Variants in PIEZO2 observed in about 807,000 individuals in gnomAD.
The protein encoded by PIEZO2 is piezo-type mechanosensitive ion channel component 2.
A neutral mutation model predicts 337.3 loss-of-function variants in PIEZO2; 172 were observed. That is an observed-to-expected ratio of 0.51 (90% CI 0.45 to 0.58). The LOEUF is 0.58. Ranked by LOEUF, PIEZO2 falls within the 20% of genes least tolerant of loss-of-function variation. PIEZO2 has a pLI of 0.00. For missense variants in PIEZO2, 3,028 were observed against 3,391.3 expected (o/e 0.89, Z 2.66); for synonymous variants, 1,251 against 1,228.5 (o/e 1.02, Z -0.38).
rs187219907 is a variant in PIEZO2, at chr18:11,089,572, C to T, written c.65-23350G>A. Among the ~76,000 whole-genome samples the T allele has an allele frequency of 7.1e-3, 1,085 of 152,310 alleles. 10 individuals are homozygous for T. Among genetic ancestry groups the T allele is most frequent in the Non-Finnish European group, 9.4e-3 (640 of 68,034 alleles). On this transcript the variant is annotated intron_variant, in intron 1 of 55. Transcript: ENST00000674853. Reference sequence around the variant, plus strand: ...ATTCCTCTTCCAAGGAATAAAACCTCCAACCGGCATTTCTGAACACTGTGT... The same window carrying T: ...ATTCCTCTTCCAAGGAATAAAACCTTCAACCGGCATTTCTGAACACTGTGT...
At position 11,027,676 on chromosome 18, in the gene PIEZO2, G is replaced by T. The variant is rs1312225677; in HGVS notation, c.160+38451C>A. On this transcript the variant is annotated intron_variant, in intron 2 of 55. Coordinates refer to ENST00000674853, the MANE Select transcript of PIEZO2 (RefSeq NM_001378183.1). This position sits in a 1 kb window ranked among gnomAD's most constrained non-coding sequence, Gnocchi z 4.2. ...GTTCGGTGGGGTTTAAGTTCCATTT[G>T]GGGTTGTCTTTCACAATTATGTTGT... 6.6e-6 allele frequency among the ~76,000 whole-genome samples: 1 copy of T among 152,074 alleles called. No individual in the cohort carries two copies. Among genetic ancestry groups the T allele is most frequent in the East Asian group, 1.9e-4 (1 of 5,182 alleles).
intron 2 of PIEZO2, among the ~76,000 whole-genome samples, chr18:10,994,553 G>A (rs1470677946): frequency 6.6e-6 from 1 of 151,546 alleles, no homozygotes; most frequent in Non-Finnish European, 1.5e-5. Context: ...GGGCTTACAG[G>A]TGCATGCCAC....
rs1440349865 is a variant in PIEZO2, at chr18:11,105,366, G to A, written c.65-39144C>T. ...GACTGTAAACCACACAACTAAACTC[G>A]ACAAGAATATGTTCCATTTGTAATA... On this transcript the variant is annotated intron_variant, in intron 1 of 55. Transcript: ENST00000674853. The surrounding 1 kb of genome is among the most constrained non-coding windows in gnomAD (Gnocchi z 4.3). Among the ~76,000 whole-genome samples, 3 of 152,068 alleles carry A rather than the reference G, an allele frequency of 2.0e-5. No individual in the cohort carries two copies. The highest frequency in any genetic ancestry group is 1.9e-4 in the East Asian group (1 of 5,186).
intron 5 of PIEZO2, among the ~76,000 whole-genome samples, chr18:10,864,244 A>G (rs1331705109): frequency 6.6e-6 from 1 of 152,018 alleles, no homozygotes; most frequent in African/African-American, 2.4e-5. Context: ...CCCTCCCTCC[A>G]CTCAGCACTT....
chr18:10,670,278 A>G lies in PIEZO2; in HGVS notation c.*1249T>C, dbSNP rs2033713867. 1 of 152,226 alleles carries G rather than the reference A, an allele frequency of 6.6e-6. No homozygotes were observed. Among genetic ancestry groups the G allele is most frequent in the African/African-American group, 2.4e-5 (1 of 41,472 alleles). 9.4% of individuals were successfully genotyped at this position (152,226 alleles called of 1,614,324 possible). The stretch of plus-strand genomic sequence containing the variant: ...TGCAGGATGTGCTTTATTTTAAGTC[A>G]GCCCTGAACCCAAACTACACAGGAT... On this transcript the variant is annotated 3_prime_UTR_variant, in exon 56 of 56. Transcript: ENST00000674853.
chr18:10,886,323 C>CATACATATATATATATATATAT (rs1568164981), intron 4 of PIEZO2, among the ~76,000 whole-genome samples: 1 of 26,376 alleles, frequency 3.8e-5, no homozygotes, highest in African/African-American at 2.8e-4. Context: ...CCTATACATA[C>CATACATATATATATATATATAT]ATATATATAT....
chr18:10,730,665 GTTGT>G (rs1354606480), intron 36 of PIEZO2, among the ~76,000 whole-genome samples: 4 of 152,106 alleles, frequency 2.6e-5, no homozygotes, highest in East Asian at 3.9e-4. Context: ...GTTTCTGAGT[GTTGT>G]TTAAGTGTGC....
chr18:10,742,352 T>G, intron 32 of PIEZO2, 142 bp downstream of exon 32: 1 of 911,174 alleles, frequency 1.1e-6, no homozygotes, highest in Non-Finnish European at 1.6e-6. Flanking sequence ...CCATTCACAA[T>G]GGGAAAATAA....
At position 11,116,679 on chromosome 18, in the gene PIEZO2, C is replaced by T. The variant is rs1050070721; in HGVS notation, c.64+31846G>A. Among the ~76,000 whole-genome samples, 9 of 151,824 alleles carry T rather than the reference C, an allele frequency of 5.9e-5. No homozygotes were observed. Among genetic ancestry groups the T allele is most frequent in the African/African-American group, 1.7e-4 (7 of 41,348 alleles). On this transcript the variant is annotated intron_variant, in intron 1 of 55. Transcript: ENST00000674853. The surrounding 1 kb of genome is among the most constrained non-coding windows in gnomAD (Gnocchi z 5.0). Reference sequence around the variant, plus strand: ...TGCAGTGAGCCGAGATCCGCCACCGCACTCCAGCCTGGGCGACAGAACGAG... The same window carrying T: ...TGCAGTGAGCCGAGATCCGCCACCGTACTCCAGCCTGGGCGACAGAACGAG...
intron 47 of PIEZO2, among the ~76,000 whole-genome samples, chr18:10,695,357 C>A (rs946690969): frequency 6.6e-6 from 1 of 152,174 alleles, no homozygotes; most frequent in Non-Finnish European, 1.5e-5. Context: ...CACTGGGGAA[C>A]TGAAGGTCAA....
chr18:10,704,707 G>A, intron 41 of PIEZO2, 55 bp from the exon 42 acceptor site: 1 of 1,503,006 alleles, frequency 6.7e-7, no homozygotes, highest in Non-Finnish European at 8.9e-7. Context: ...TTTTTGAGAT[G>A]GAGTTTTGCT....
rs2037397784 is a variant in PIEZO2, at chr18:11,048,379, T to A, written c.160+17748A>T. ...TGCCTGGCCCATTTCAGACACTCAG[T>A]AATGCTTATTCTGTGACCAAAGGAA... On this transcript the variant is annotated intron_variant, in intron 2 of 55. Transcript: ENST00000674853. The surrounding 1 kb of genome is among the most constrained non-coding windows in gnomAD (Gnocchi z 4.5). Among the ~76,000 whole-genome samples, 1 of 152,228 alleles carries A rather than the reference T, an allele frequency of 6.6e-6. No homozygotes were observed.
rs541261372 is a variant in PIEZO2, at chr18:10,724,839, C to T, written c.5029+6568G>A. The T allele has an allele frequency of 1.5e-5, 24 of 1,599,412 alleles. No homozygotes were observed. The East Asian group carries it at 4.5e-4, about 30-fold the overall frequency. On this transcript the variant is annotated intron_variant, in intron 36 of 55. Coordinates refer to ENST00000674853, the MANE Select transcript of PIEZO2 (RefSeq NM_001378183.1). This position sits in a 1 kb window ranked among gnomAD's most constrained non-coding sequence, Gnocchi z 5.8. ...TCTCACAGATGCACCTGGGCCACGGCGGCCACATGCGTCGCAGTGAGAGCA... is the reference window on the plus strand; with the variant it reads ...TCTCACAGATGCACCTGGGCCACGGTGGCCACATGCGTCGCAGTGAGAGCA...
chr18:11,122,027 C>T (rs1387082302), intron 1 of PIEZO2, among the ~76,000 whole-genome samples: 3 of 152,124 alleles, frequency 2.0e-5, no homozygotes, highest in Non-Finnish European at 4.4e-5. Context: ...TATCTCGGCT[C>T]ACTGCAAGCT....
At chr18:10,690,600 C>T (rs1318419700) in intron 48 of PIEZO2, among the ~76,000 whole-genome samples, 2 of 152,154 alleles carry the variant, frequency 1.3e-5, no homozygotes, top group East Asian at 1.9e-4. Context: ...TGAAGGCACT[C>T]GACACCTCTT....
rs2040604028 is a variant in PIEZO2 at position 10,824,249 on chromosome 18, T to C, written c.918-16975A>G. The stretch of plus-strand genomic sequence containing the variant: ...GAGAGTAGCAAGAGACAAGTCTCCA[T>C]AGTCTGTGGGAAAAAATGTATTTAA... On this transcript the variant is annotated intron_variant, in intron 7 of 55. Coordinates refer to ENST00000674853, the MANE Select transcript of PIEZO2 (RefSeq NM_001378183.1). The surrounding 1 kb of genome is among the most constrained non-coding windows in gnomAD (Gnocchi z 4.4). Among the ~76,000 whole-genome samples, 3 of 152,162 alleles carry C rather than the reference T, an allele frequency of 2.0e-5. No homozygotes were observed. Among genetic ancestry groups the C allele is most frequent in the Non-Finnish European group, 2.9e-5 (2 of 68,028 alleles).
chr18:10,886,692 T>C (rs181916380), intron 4 of PIEZO2, among the ~76,000 whole-genome samples: 15 of 151,658 alleles, frequency 9.9e-5, no homozygotes, highest in Admixed American at 5.3e-4. Flanking sequence ...CTTATTGTGC[T>C]GTGCTCACCT....
intron 1 of PIEZO2, among the ~76,000 whole-genome samples, chr18:11,086,765 T>A (rs1274225763): frequency 6.6e-6 from 1 of 152,086 alleles, no homozygotes; most frequent in African/African-American, 2.4e-5. Context: ...CGGGTTTTTT[T>A]TTTTAACAGG....
intron 3 of PIEZO2, among the ~76,000 whole-genome samples, chr18:10,919,301 T>G (rs9953259): frequency 0.29 from 44,704 of 151,962 alleles, 6,789 homozygotes; most frequent in Middle Eastern, 0.33. Flanking sequence ...GTTCAAAATT[T>G]CATATACTAA....
Sources: gnomAD v4.1 joint callset for allele counts (sites outside exome capture counted in the v4.1 genomes callset) on GRCh38, gnomAD v4.1.1 for gene constraint, Gnocchi (gnomAD v3.1) non-coding constraint, MANE v1.5 for transcripts, NCBI Gene and HGNC (gene_info 2026-07-23, HGNC 2026-07-21) for gene names.